Variants in BICD1 observed in about 807,000 individuals in gnomAD.
The protein encoded by BICD1 is BICD cargo adaptor 1.
Under a neutral mutation model 92.5 loss-of-function variants are expected in BICD1, and 35 were observed. The observed-to-expected ratio is 0.38, with a 90% CI of 0.29 to 0.50. BICD1 has a LOEUF of 0.50. Ranked by LOEUF, BICD1 falls within the 20% of genes least tolerant of loss-of-function variation. The pLI is 0.93. For missense variants in BICD1, 950 were observed against 1,189.8 expected (o/e 0.80, Z 2.97); for synonymous variants, 429 against 465.1 (o/e 0.92, Z 1.00).
intron 1 of BICD1, among the ~76,000 whole-genome samples, chr12:32,119,390 C>T (rs1425515176): frequency 6.6e-6 from 1 of 152,156 alleles, no homozygotes; most frequent in Non-Finnish European, 1.5e-5. Context: ...TTAGAATCAC[C>T]TGGGTGATTT....
At chr12:32,290,009 TCAA>T (rs1366935277) in intron 2 of BICD1, among the ~76,000 whole-genome samples, 1 of 152,188 alleles carries the variant, frequency 6.6e-6, no homozygotes, top group Non-Finnish European at 1.5e-5. Flanking sequence ...TAGGCTAAAG[TCAA>T]CTGGTGGAGT....
chr12:32,204,995 A>G (rs181458796), intron 1 of BICD1, among the ~76,000 whole-genome samples: 1 of 152,336 alleles, frequency 6.6e-6, no homozygotes, highest in East Asian at 1.9e-4. Context: ...AATAAGGGTG[A>G]TAGAGTCCAA....
At chr12:32,191,657 A>G (rs1944571427) in intron 1 of BICD1, among the ~76,000 whole-genome samples, 1 of 147,810 alleles carries the variant, frequency 6.8e-6, no homozygotes, top group Admixed American at 6.8e-5. Context: ...GTTATATGCA[A>G]TATATGTTAT....
intron 9 of BICD1, among the ~76,000 whole-genome samples, chr12:32,369,905 C>CA (rs913166612): frequency 3.0e-4 from 45 of 151,780 alleles, no homozygotes; most frequent in African/African-American, 1.1e-3. Context: ...GACCCTGTCT[C>CA]AAAAAACAAA....
intron 1 of BICD1, among the ~76,000 whole-genome samples, chr12:32,206,908 A>G (rs973719137): frequency 3.3e-5 from 5 of 152,246 alleles, no homozygotes; most frequent in African/African-American, 1.2e-4. Flanking sequence ...TCCAAAAGCA[A>G]ATTGCAAAAG....
intron 2 of BICD1, among the ~76,000 whole-genome samples, chr12:32,286,268 C>G (rs1273446173): frequency 2.6e-5 from 4 of 152,080 alleles, no homozygotes; most frequent in African/African-American, 7.2e-5. Context: ...ATTCCCATTT[C>G]AGAATCTCTT....
chr12:32,236,872 C>CTTTTTTTTTTTTTT (rs57318640), intron 2 of BICD1, among the ~76,000 whole-genome samples: 1 of 89,320 alleles, frequency 1.1e-5, no homozygotes, highest in Non-Finnish European at 2.1e-5. Flanking sequence ...AAGTCTAATT[C>CTTTTTTTTTTTTTT]TTTTTTTTTT....
chr12:32,149,263 T>A (rs201460584), intron 1 of BICD1, among the ~76,000 whole-genome samples: 1 of 151,658 alleles, frequency 6.6e-6, no homozygotes, highest in Non-Finnish European at 1.5e-5. Context: ...TGGTCATCAA[T>A]GATTTTCTCT....
At chr12:32,239,453 C>G (rs1946173210) in intron 2 of BICD1, among the ~76,000 whole-genome samples, 1 of 149,368 alleles carries the variant, frequency 6.7e-6, no homozygotes, top group African/African-American at 2.4e-5. Flanking sequence ...GTAATCCCAG[C>G]TACTCGAGAG....
intron 1 of BICD1, among the ~76,000 whole-genome samples, chr12:32,209,899 A>G (rs1592480639): frequency 6.6e-6 from 1 of 152,204 alleles, no homozygotes; most frequent in African/African-American, 2.4e-5. Context: ...TAATTAAATG[A>G]CAAAATAAAA....
chr12:32,226,857 C>G (rs2121576158), intron 2 of BICD1, among the ~76,000 whole-genome samples: 1 of 152,378 alleles, frequency 6.6e-6, no homozygotes, highest in Non-Finnish European at 1.5e-5. Flanking sequence ...CCTGATAACA[C>G]CCAACCCCTG....
chr12:32,181,419 C>CAA lies in BICD1; in HGVS notation c.214-34816_214-34815dup, dbSNP rs5797462. Among the ~76,000 whole-genome samples, 14 of 139,200 alleles carry CAA rather than the reference C, an allele frequency of 1.0e-4. 1 individual carries two copies. The East Asian group carries it at 1.4e-3, about 14-fold the overall frequency. 91.3% of individuals were successfully genotyped at this position (139,200 alleles called of 152,430 possible). A position where few individuals can be genotyped will look rare whatever the true frequency, so the allele number is the denominator to read the frequency against. Reference sequence around the variant, plus strand: ...TGGGCAACAGAGCGAGACTCTGTCTCAAAAAAAAAAAAATTTACTTTTTAT... The same window carrying CAA: ...TGGGCAACAGAGCGAGACTCTGTCTCAAAAAAAAAAAAAAATTTACTTTTTAT... On this transcript the variant is annotated intron_variant, in intron 1 of 9. Transcript: ENST00000652176.
chr12:32,276,007 G>T (rs792860), intron 2 of BICD1, among the ~76,000 whole-genome samples: 1 of 151,814 alleles, frequency 6.6e-6, no homozygotes, highest in Non-Finnish European at 1.5e-5. Flanking sequence ...TCTTGGAAGC[G>T]GCTTGCCACC....
chr12:32,120,055 A>C (rs897330769), intron 1 of BICD1, among the ~76,000 whole-genome samples: 2 of 152,204 alleles, frequency 1.3e-5, no homozygotes, highest in Non-Finnish European at 2.9e-5. Context: ...AGTGCATTTA[A>C]TTTTGTATTC....
intron 2 of BICD1, among the ~76,000 whole-genome samples, chr12:32,222,744 G>C (rs1036949502): frequency 6.6e-6 from 1 of 152,110 alleles, no homozygotes; most frequent in Non-Finnish European, 1.5e-5. Flanking sequence ...TGAGATTAGC[G>C]AGTTTATATG....
intron 8 of BICD1, among the ~76,000 whole-genome samples, chr12:32,359,772 TTA>T (rs1193483640): frequency 6.6e-6 from 1 of 152,204 alleles, no homozygotes; most frequent in African/African-American, 2.4e-5. Flanking sequence ...TAAACCTTTT[TTA>T]TAGACAGTCT....
intron 2 of BICD1, among the ~76,000 whole-genome samples, chr12:32,231,442 C>A (rs1945883969): frequency 6.6e-6 from 1 of 151,994 alleles, no homozygotes; most frequent in Admixed American, 6.6e-5. Flanking sequence ...CAGAACAAGA[C>A]CCTGCCCCCT....
intron 1 of BICD1, among the ~76,000 whole-genome samples, chr12:32,184,697 G>C (rs959689561): frequency 1.3e-5 from 2 of 152,154 alleles, no homozygotes; most frequent in Non-Finnish European, 2.9e-5. Flanking sequence ...GAATCCTTTC[G>C]CCTGAAACTT....
chr12:32,204,905 C>T (rs1945004938), intron 1 of BICD1, among the ~76,000 whole-genome samples: 1 of 152,082 alleles, frequency 6.6e-6, no homozygotes, highest in African/African-American at 2.4e-5. Flanking sequence ...ACGCATCATC[C>T]CTTTCTATTA....
Sources: allele counts gnomAD v4.1 joint callset (sites outside exome capture counted in the v4.1 genomes callset), GRCh38; gene constraint gnomAD v4.1.1; transcripts MANE v1.5; gene names NCBI Gene and HGNC (gene_info 2026-07-23, HGNC 2026-07-21).